Variants in RALYL observed in about 807,000 individuals in gnomAD.
RALYL encodes RALY RNA binding protein like.
Under a neutral mutation model 35.1 loss-of-function variants are expected in RALYL, and 29 were observed. That is an observed-to-expected ratio of 0.83 (90% CI 0.61 to 1.13). The LOEUF (loss-of-function observed/expected upper bound fraction) is 1.13, where lower values mean the gene tolerates loss of function less well. Among genes scored for constraint, RALYL ranks in the 50% most tolerant of loss-of-function variants. RALYL has a pLI of 0.00. For synonymous variants in RALYL, 120 were observed against 127.6 expected (o/e 0.94, Z 0.40); for missense variants, 359 against 360.4 (o/e 1.00, Z 0.03).
intron 2 of RALYL, among the ~76,000 whole-genome samples, chr8:84,630,604 T>A (rs1823710885): frequency 6.6e-6 from 1 of 151,958 alleles, no homozygotes; most frequent in Admixed American, 6.6e-5. Context: ...GGCCCAAATG[T>A]TTTTTGGCCT....
chr8:84,837,724 T>A (rs1832308770), intron 4 of RALYL, among the ~76,000 whole-genome samples: 1 of 152,174 alleles, frequency 6.6e-6, no homozygotes, highest in South Asian at 2.1e-4. Flanking sequence ...CCCCATTACA[T>A]CTTGAGAGAA....
At chr8:84,749,273 T>G (rs1192658712) in intron 2 of RALYL, among the ~76,000 whole-genome samples, 1 of 152,144 alleles carries the variant, frequency 6.6e-6, no homozygotes, top group African/African-American at 2.4e-5. Flanking sequence ...TTATCCACAT[T>G]ATTCTAATAG....
chr8:84,198,191 C>T (rs1223221561), intron 1 of RALYL, among the ~76,000 whole-genome samples: 4 of 152,128 alleles, frequency 2.6e-5, no homozygotes, highest in Non-Finnish European at 4.4e-5. Context: ...ATTTCTCCAG[C>T]ATGAAGGAGA....
chr8:84,359,238 GC>G (rs1410605180), intron 1 of RALYL, among the ~76,000 whole-genome samples: 1 of 78,986 alleles, frequency 1.3e-5, no homozygotes. Flanking sequence ...TATTTTGAGA[GC>G]TTTTTTTTTT....
At position 84,197,797 on chromosome 8, in the gene RALYL, AT is replaced by A. The variant is rs199734518; in HGVS notation, c.-24+13374del. On this transcript the variant is annotated intron_variant, in intron 1 of 8. Transcript: ENST00000521268. Reference sequence around the variant, plus strand: ...GGAAAAAAAAAAAAAGACAAAAAAAATAAGCGAAACTTATTTTGGATTATTT... The same window carrying A: ...GGAAAAAAAAAAAAAGACAAAAAAAAAAGCGAAACTTATTTTGGATTATTT... Among the ~76,000 whole-genome samples, 507 of 152,102 alleles carry A rather than the reference AT, an allele frequency of 3.3e-3. 1 individual carries two copies. Among genetic ancestry groups the A allele is most frequent in the African/African-American group, 0.011 (465 of 41,518 alleles).
intron 1 of RALYL, among the ~76,000 whole-genome samples, chr8:84,344,672 T>G (rs1381988018): frequency 6.6e-6 from 1 of 152,094 alleles, no homozygotes; most frequent in African/African-American, 2.4e-5. Flanking sequence ...ATCTCTCAAT[T>G]GCAACTTTCC....
intron 1 of RALYL, among the ~76,000 whole-genome samples, chr8:84,371,377 C>T (rs1217260302): frequency 6.6e-6 from 1 of 151,900 alleles, no homozygotes; most frequent in African/African-American, 2.4e-5. Flanking sequence ...CTTTCTCCGT[C>T]ACAAAAAAAG....
chr8:84,551,263 A>G (rs1404703316), intron 2 of RALYL, among the ~76,000 whole-genome samples: 5 of 152,264 alleles, frequency 3.3e-5, no homozygotes, highest in Middle Eastern at 3.4e-3. Flanking sequence ...TTCTTTAACA[A>G]CATAACTTTT....
At chr8:84,632,595 G>A (rs1564278775) in intron 2 of RALYL, among the ~76,000 whole-genome samples, 1 of 151,686 alleles carries the variant, frequency 6.6e-6, no homozygotes, top group Non-Finnish European at 1.5e-5. Context: ...GTGTGTGTGT[G>A]TGTGTGTGTG....
Position 84,536,338 on chromosome 8 carries a change from CA to C in RALYL, c.256+6762del, listed in dbSNP as rs2059604892. On this transcript the variant is annotated intron_variant, in intron 2 of 8. Coordinates refer to ENST00000521268, the MANE Select transcript of RALYL (RefSeq NM_173848.7). ...TCAAATATATATTATTCAACAACAA[CA>C]CTAAAAACTTGTTAAGACAAATACA... Among the ~76,000 whole-genome samples the C allele has an allele frequency of 2.0e-5, 3 of 152,326 alleles. No homozygotes were observed. In the South Asian group the frequency reaches 6.2e-4, roughly 32 times the overall value.
chr8:84,360,732 A>G (rs1852815309), intron 1 of RALYL, among the ~76,000 whole-genome samples: 1 of 152,140 alleles, frequency 6.6e-6, no homozygotes, highest in Admixed American at 6.6e-5. Context: ...ATACATTTCA[A>G]TCTCTCTAGG....
chr8:84,628,709 A>G (rs992222171), intron 2 of RALYL, among the ~76,000 whole-genome samples: 2 of 152,084 alleles, frequency 1.3e-5, no homozygotes, highest in African/African-American at 2.4e-5. Flanking sequence ...GGAAACACCA[A>G]GTAAGAAGGG....
chr8:84,855,737 T>C (rs982806977), intron 5 of RALYL, among the ~76,000 whole-genome samples: 3 of 152,240 alleles, frequency 2.0e-5, no homozygotes, highest in Admixed American at 6.5e-5. Flanking sequence ...CAATGTTAGC[T>C]GTCTAAATCC....
chr8:84,647,443 A>G (rs1036326053), intron 2 of RALYL, among the ~76,000 whole-genome samples: 2 of 152,070 alleles, frequency 1.3e-5, no homozygotes, highest in Non-Finnish European at 2.9e-5. Context: ...CTGAAGATAG[A>G]AATTGGAGAA....
chr8:84,840,135 T>G (rs909933390), intron 4 of RALYL, among the ~76,000 whole-genome samples: 1 of 151,904 alleles, frequency 6.6e-6, no homozygotes, highest in Non-Finnish European at 1.5e-5. Flanking sequence ...TTTGACGAGT[T>G]GAGAGAATAA....
intron 7 of RALYL, among the ~76,000 whole-genome samples, chr8:84,876,538 A>C (rs17736438): frequency 0.46 from 69,202 of 152,042 alleles, 18,675 homozygotes; most frequent in African/African-American, 0.74. Flanking sequence ...TGTTAAGTGA[A>C]CAAAAACAGT....
chr8:84,418,221 A>ATAGT (rs2044966722), intron 1 of RALYL, among the ~76,000 whole-genome samples: 2 of 152,278 alleles, frequency 1.3e-5, no homozygotes, highest in African/African-American at 4.8e-5. Flanking sequence ...TGTGACTCTG[A>ATAGT]TAGTTACTGA....
Position 84,873,345 on chromosome 8 carries a change from C to T in RALYL, c.633C>T (p.Asp211=), listed in dbSNP as rs1345534201. 2 of 1,602,820 alleles carry T rather than the reference C, an allele frequency of 1.2e-6. No homozygotes were observed. The highest frequency in any genetic ancestry group is 8.5e-7 in the Non-Finnish European group (1 of 1,174,554). Residue 211 remains aspartate (D), a synonymous_variant, in exon 7 of 9, where the codon GAC becomes GAT. Coordinates refer to ENST00000521268, the MANE Select transcript of RALYL (RefSeq NM_173848.7). ...KELTQIKTKI[D]SLLGRLEKIE... Reference sequence around the variant, plus strand: ...TAACCCAGATCAAAACTAAAATTGACTCCTTGCTAGGGCGCCTGGAGAAGA... The same window carrying T: ...TAACCCAGATCAAAACTAAAATTGATTCCTTGCTAGGGCGCCTGGAGAAGA...
chr8:84,398,440 T>C (rs2042559850), intron 1 of RALYL, among the ~76,000 whole-genome samples: 1 of 152,178 alleles, frequency 6.6e-6, no homozygotes, highest in South Asian at 2.1e-4. Flanking sequence ...GTTTCTTCTT[T>C]CAATAAATAT....
Sources: allele counts gnomAD v4.1 joint callset (sites outside exome capture counted in the v4.1 genomes callset), GRCh38; gene constraint gnomAD v4.1.1; transcripts MANE v1.5; gene names NCBI Gene and HGNC (gene_info 2026-07-23, HGNC 2026-07-21).